GPC5: variants seen among roughly 807,000 people sequenced by gnomAD.
The protein encoded by GPC5 is glypican 5.
GPC5 carries 47 observed loss-of-function variants against 53.9 expected under a neutral mutation model. That is an observed-to-expected ratio of 0.87 (90% CI 0.69 to 1.11). The LOEUF (loss-of-function observed/expected upper bound fraction) is 1.11. Ranked by LOEUF, GPC5 falls within the 50% of genes most tolerant of loss-of-function variation. The pLI is 0.00. For missense variants in GPC5, 748 were observed against 713.1 expected (o/e 1.05, Z -0.56); for synonymous variants, 286 against 263.3 (o/e 1.09, Z -0.84).
At chr13:92,695,328 C>A (rs569621726) in intron 7 of GPC5, among the ~76,000 whole-genome samples, 5 of 152,226 alleles carry the variant, frequency 3.3e-5, no homozygotes, top group African/African-American at 1.2e-4. Context: ...TTAGACCTTG[C>A]ATAGTTTGCA....
rs879617312 is a variant in GPC5 at position 91,464,679 on chromosome 13, G to A, written c.325+15757G>A. On this transcript the variant is annotated intron_variant, in intron 2 of 7. Coordinates refer to ENST00000377067, the MANE Select transcript of GPC5 (RefSeq NM_004466.6). The stretch of plus-strand genomic sequence containing the variant: ...GTTGTGGTTCCCTGGGGTTAGGGAC[G>A]GGAAGAGGGAAAGGTGGACGTGTCT... Among the ~76,000 whole-genome samples, 25 of 152,108 alleles carry A rather than the reference G, an allele frequency of 1.6e-4. 1 individual carries two copies. Among genetic ancestry groups the A allele is most frequent in the Admixed American group, 1.2e-3 (18 of 15,248 alleles).
chr13:92,041,776 A>T (rs1012807267), intron 6 of GPC5, among the ~76,000 whole-genome samples: 6 of 152,194 alleles, frequency 3.9e-5, no homozygotes, highest in Admixed American at 6.5e-5. Context: ...ATGAAACAAC[A>T]CTCGACGAAA....
chr13:92,398,198 G>A (rs12583788), intron 7 of GPC5, among the ~76,000 whole-genome samples: 6,389 of 151,746 alleles, frequency 0.042, 195 homozygotes, highest in East Asian at 0.17. Context: ...GGGAGGCCGA[G>A]GCGGGCGGAT....
Position 91,928,093 on chromosome 13 carries a change from T to G in GPC5, c.1401+20036T>G, listed in dbSNP as rs375817609. ...ATATTCTCCATCTGTTCTCAGTTAC[T>G]GAGCTATTAGACTCAACTGAATGAT... On this transcript the variant is annotated intron_variant, in intron 6 of 7. Transcript: ENST00000377067. Among the ~76,000 whole-genome samples, 8 of 152,340 alleles carry G rather than the reference T, an allele frequency of 5.3e-5. No individual in the cohort carries two copies. The East Asian group carries it at 1.5e-3, about 29-fold the overall frequency.
intron 7 of GPC5, among the ~76,000 whole-genome samples, chr13:92,232,541 A>T (rs1017075228): frequency 6.6e-6 from 1 of 152,196 alleles, no homozygotes; most frequent in Non-Finnish European, 1.5e-5. Context: ...ATGGATATGT[A>T]TTGGTATACC....
At chr13:92,121,669 G>A (rs1401679478) in intron 6 of GPC5, among the ~76,000 whole-genome samples, 2 of 152,194 alleles carry the variant, frequency 1.3e-5, no homozygotes, top group African/African-American at 2.4e-5. Flanking sequence ...TGTGTACTCA[G>A]AGTGGAGGGT....
chr13:91,482,293 T>C (rs978112193), intron 2 of GPC5, among the ~76,000 whole-genome samples: 1 of 152,152 alleles, frequency 6.6e-6, no homozygotes, highest in Non-Finnish European at 1.5e-5. Flanking sequence ...GAGAATGTAG[T>C]GTTCAAGGTA....
intron 6 of GPC5, among the ~76,000 whole-genome samples, chr13:92,013,813 T>G (rs2040682912): frequency 6.6e-6 from 1 of 152,110 alleles, no homozygotes; most frequent in Non-Finnish European, 1.5e-5. Context: ...CATGAAAAAT[T>G]TTTATTATAT....
At chr13:92,581,734 T>G (rs1883378681) in intron 7 of GPC5, among the ~76,000 whole-genome samples, 1 of 152,168 alleles carries the variant, frequency 6.6e-6, no homozygotes, top group South Asian at 2.1e-4. Context: ...TTGTTGTCAT[T>G]CAATTTTTTG....
intron 7 of GPC5, among the ~76,000 whole-genome samples, chr13:92,547,791 A>G (rs540643463): frequency 8.6e-5 from 13 of 151,886 alleles, no homozygotes; most frequent in Admixed American, 1.3e-4. Context: ...ATCAAAAATT[A>G]AAAAGAAAAC....
chr13:92,504,230 A>G (rs1489600742), intron 7 of GPC5, among the ~76,000 whole-genome samples: 1 of 151,984 alleles, frequency 6.6e-6, no homozygotes, highest in Non-Finnish European at 1.5e-5. Context: ...AGAAGCGAAG[A>G]ACTTTTGAAA....
intron 2 of GPC5, among the ~76,000 whole-genome samples, chr13:91,528,056 G>A (rs1179342896): frequency 3.3e-5 from 5 of 152,032 alleles, no homozygotes; most frequent in Non-Finnish European, 5.9e-5. Context: ...GAAGACAATT[G>A]TCTTGGCTTT....
At chr13:91,520,925 A>G (rs558083590) in intron 2 of GPC5, among the ~76,000 whole-genome samples, 2 of 152,236 alleles carry the variant, frequency 1.3e-5, no homozygotes, top group African/African-American at 4.8e-5. Flanking sequence ...ACATCCTTAC[A>G]ATTTAATGAT....
chr13:92,401,044 A>C (rs892621798), intron 7 of GPC5, among the ~76,000 whole-genome samples: 4 of 152,166 alleles, frequency 2.6e-5, no homozygotes, highest in African/African-American at 9.7e-5. Flanking sequence ...AATAATGTAA[A>C]ATCATGAAAT....
chr13:92,542,603 C>T (rs1881967132), intron 7 of GPC5, among the ~76,000 whole-genome samples: 1 of 151,816 alleles, frequency 6.6e-6, no homozygotes, highest in Non-Finnish European at 1.5e-5. Flanking sequence ...TGCATTTTTT[C>T]ACGATGTTAA....
chr13:91,906,373 C>G (rs891636967), intron 5 of GPC5, among the ~76,000 whole-genome samples: 5 of 152,004 alleles, frequency 3.3e-5, no homozygotes, highest in African/African-American at 1.2e-4. Context: ...TTCTCCATAT[C>G]CAGAATGTCT....
intron 2 of GPC5, among the ~76,000 whole-genome samples, chr13:91,604,539 C>T (rs1217987587): frequency 1.4e-5 from 2 of 142,182 alleles, no homozygotes; most frequent in East Asian, 2.1e-4. Context: ...CTGACTTCCA[C>T]AATGGTTGAA....
intron 3 of GPC5, among the ~76,000 whole-genome samples, chr13:91,714,878 G>T (rs549238): frequency 0.039 from 5,984 of 152,260 alleles, 160 homozygotes; most frequent in Middle Eastern, 0.12. Context: ...AAACAGCTTT[G>T]TTGAAGCAGC....
intron 4 of GPC5, among the ~76,000 whole-genome samples, chr13:91,730,530 G>T (rs771929994): frequency 6.6e-6 from 1 of 152,140 alleles, no homozygotes; most frequent in Non-Finnish European, 1.5e-5. Flanking sequence ...ACGGTCACTT[G>T]CTAGGTCATG....
Sources: gnomAD v4.1 joint callset for allele counts (sites outside exome capture counted in the v4.1 genomes callset) on GRCh38, gnomAD v4.1.1 for gene constraint, MANE v1.5 for transcripts, NCBI Gene and HGNC (gene_info 2026-07-23, HGNC 2026-07-21) for gene names.